SPATA6: variants seen among roughly 807,000 people sequenced by gnomAD.
SPATA6 encodes spermatogenesis associated 6.
A neutral mutation model predicts 65.3 loss-of-function variants in SPATA6; 56 were observed. The ratio of observed to expected loss-of-function variants is 0.86; its 90% confidence interval spans 0.69 to 1.07. The LOEUF (loss-of-function observed/expected upper bound fraction) is 1.07, where lower values mean the gene tolerates loss of function less well. Ranked by LOEUF, SPATA6 falls within the 50% of genes least tolerant of loss-of-function variation. The pLI, the probability that SPATA6 is intolerant of heterozygous loss-of-function variation, is 0.00. For synonymous variants in SPATA6, 199 were observed against 213.2 expected (o/e 0.93, Z 0.58); for missense variants, 590 against 594.8 (o/e 0.99, Z 0.08).
chr1:48,405,373 G>GT (rs1231743422), intron 5 of SPATA6, among the ~76,000 whole-genome samples: 1 of 152,112 alleles, frequency 6.6e-6, no homozygotes, highest in Non-Finnish European at 1.5e-5. Flanking sequence ...ATTATCTCAC[G>GT]TAATTTCTAT....
intron 11 of SPATA6, among the ~76,000 whole-genome samples, chr1:48,326,348 G>A (rs1557566542): frequency 6.6e-6 from 1 of 152,102 alleles, no homozygotes; most frequent in East Asian, 1.9e-4. Context: ...TGTTGAAATT[G>A]TAAGTGACAC....
At chr1:48,437,372 G>A in intron 3 of SPATA6, 9 of 1,478,558 alleles carry the variant, frequency 6.1e-6, no homozygotes, top group Non-Finnish European at 8.0e-6. Flanking sequence ...TCTGTTCAAA[G>A]GGGCACCAGT....
At chr1:48,446,112 G>A (rs1656029843) in intron 3 of SPATA6, among the ~76,000 whole-genome samples, 1 of 152,088 alleles carries the variant, frequency 6.6e-6, no homozygotes, top group Non-Finnish European at 1.5e-5. Context: ...AATAATATAG[G>A]AATAGCAGGT....
At chr1:48,262,943 T>C in the SPATA6 span, 1 of 152,148 alleles carries the variant, frequency 6.6e-6, no homozygotes, top group African/African-American at 2.4e-5. Flanking sequence ...TAATCTTTGA[T>C]GTCTAAATAA....
chr1:48,400,699 G>T, intron 6 of SPATA6: 1 of 1,087,004 alleles, frequency 9.2e-7, no homozygotes, highest in Non-Finnish European at 1.2e-6. Flanking sequence ...TGGATACACA[G>T]AAAAGAAAAT....
intron 9 of SPATA6, among the ~76,000 whole-genome samples, chr1:48,372,682 C>T (rs560008643): frequency 3.2e-4 from 48 of 152,334 alleles, no homozygotes; most frequent in African/African-American, 8.9e-4. Context: ...ATGAGGGCTC[C>T]GCCCCTGCAG....
intron 9 of SPATA6, among the ~76,000 whole-genome samples, chr1:48,377,229 T>C (rs1418724793): frequency 6.6e-6 from 1 of 152,142 alleles, no homozygotes; most frequent in Non-Finnish European, 1.5e-5. Context: ...CATGTCACCT[T>C]GCTATTTAAA....
chr1:48,365,470 T>A (rs1646971967), intron 9 of SPATA6, among the ~76,000 whole-genome samples: 1 of 152,176 alleles, frequency 6.6e-6, no homozygotes, highest in Non-Finnish European at 1.5e-5. Context: ...CCTCTTTTAT[T>A]TCCTTGAGCA....
At chr1:48,428,907 G>C (rs1654141384) in intron 3 of SPATA6, among the ~76,000 whole-genome samples, 1 of 151,156 alleles carries the variant, frequency 6.6e-6, no homozygotes, top group African/African-American at 2.4e-5. Flanking sequence ...GTGTGTGTGT[G>C]ACAGATCTAT....
intron 5 of SPATA6, among the ~76,000 whole-genome samples, chr1:48,407,781 G>A (rs1651846381): frequency 6.6e-6 from 1 of 152,162 alleles, no homozygotes; most frequent in Non-Finnish European, 1.5e-5. Flanking sequence ...ATTCGTAGAA[G>A]TCCTAATTTT....
intron 1 of SPATA6, among the ~76,000 whole-genome samples, chr1:48,465,733 A>G (rs1257532020): frequency 6.6e-6 from 1 of 152,128 alleles, no homozygotes; most frequent in African/African-American, 2.4e-5. Flanking sequence ...CACACTAGCA[A>G]CTCAAACACC....
rs1464673409 is a variant in SPATA6, at chr1:48,411,578, T to C, written c.291A>G (p.Thr97=). The C allele has an allele frequency of 3.1e-6, 5 of 1,588,120 alleles. No individual in the cohort carries two copies. The highest frequency in any genetic ancestry group is 4.3e-6 in the Non-Finnish European group (5 of 1,168,622). ...LIQLVPPVGE[T]LSTYDENTRD... is the part of the protein sequence containing the mutation. ...GTGTATTTTCGTCATACGTAGACAG[T>C]GTTTCACCCACTACAAGAAAGATAC... is the stretch of plus-strand genomic sequence containing the variant. Residue 97 remains threonine, a synonymous_variant, in exon 5 of 13, where the codon ACA becomes ACG. Coordinates refer to ENST00000371847, the MANE Select transcript of SPATA6 (RefSeq NM_019073.4).
At chr1:48,307,160 C>T (rs61658161) in intron 11 of SPATA6, among the ~76,000 whole-genome samples, 2,206 of 150,772 alleles carry the variant, frequency 0.015, 53 homozygotes, top group African/African-American at 0.05. Flanking sequence ...GGCAAAGAAA[C>T]GAAATAAAAA....
intron 8 of SPATA6, among the ~76,000 whole-genome samples, chr1:48,394,208 ATCTC>A (rs1458818251): frequency 6.6e-6 from 1 of 152,142 alleles, no homozygotes; most frequent in African/African-American, 2.4e-5. Flanking sequence ...CTCATTATTG[ATCTC>A]TCTGATTATA....
chr1:48,342,758 T>C (rs1306218652), intron 11 of SPATA6, among the ~76,000 whole-genome samples: 1 of 152,184 alleles, frequency 6.6e-6, no homozygotes, highest in African/African-American at 2.4e-5. Context: ...GTGCTAGTAA[T>C]GTCAAGTCTA....
At chr1:48,355,432 A>G in intron 11 of SPATA6, 1 of 340,742 alleles carries the variant, frequency 2.9e-6, no homozygotes. Flanking sequence ...TTATAAGATA[A>G]TTATCACTAA....
chr1:48,438,885 TG>T lies in SPATA6; in HGVS notation c.238+12666del, dbSNP rs938696371. Among the ~76,000 whole-genome samples the T allele has an allele frequency of 7.9e-5, 12 of 152,030 alleles. No homozygotes were observed. In the South Asian group the frequency reaches 1.0e-3, roughly 13 times the overall value. ...AATTTTTGCCCAAAGCCCCATCAGG[TG>T]GGGGGGACTATCTGGAATTTTAGGA... is the stretch of plus-strand genomic sequence containing the variant. On this transcript the variant is annotated intron_variant, in intron 3 of 12. Coordinates refer to ENST00000371847, the MANE Select transcript of SPATA6 (RefSeq NM_019073.4).
intron 9 of SPATA6, among the ~76,000 whole-genome samples, chr1:48,369,574 C>T (rs887155594): frequency 2.0e-5 from 3 of 152,224 alleles, no homozygotes; most frequent in African/African-American, 7.2e-5. Context: ...GTAGGACCCT[C>T]CGAGCCATGT....
chr1:48,331,063 A>C (rs1371336753), intron 11 of SPATA6, among the ~76,000 whole-genome samples: 1 of 152,218 alleles, frequency 6.6e-6, no homozygotes, highest in East Asian at 1.9e-4. Context: ...TTAAAGAAGA[A>C]AAAAGCAAAA....
Sources: allele counts gnomAD v4.1 joint callset (sites outside exome capture counted in the v4.1 genomes callset), GRCh38; gene constraint gnomAD v4.1.1; transcripts MANE v1.5; gene names NCBI Gene and HGNC (gene_info 2026-07-23, HGNC 2026-07-21).